The following SORCS2 variants were observed in gnomAD, a reference collection of about 807,000 sequenced individuals.
SORCS2 encodes VPS10 domain-containing receptor SorCS2.
Under a neutral mutation model 141.6 loss-of-function variants are expected in SORCS2, and 100 were observed. The observed-to-expected ratio is 0.71, with a 90% CI of 0.60 to 0.83. SORCS2 has a LOEUF of 0.83. Ranked by LOEUF, SORCS2 falls within the 40% of genes least tolerant of loss-of-function variation. SORCS2 has a pLI of 0.00. For missense variants in SORCS2, 1,646 were observed against 1,560.2 expected (o/e 1.05, Z -0.93); for synonymous variants, 789 against 676.9 (o/e 1.17, Z -2.57).
At chr4:7,273,086 G>A (rs1027953017) in intron 1 of SORCS2, among the ~76,000 whole-genome samples, 4 of 152,376 alleles carry the variant, frequency 2.6e-5, no homozygotes, top group African/African-American at 9.6e-5. Context: ...TAGAACATGA[G>A]CTTGCAGAGG....
intron 2 of SORCS2, among the ~76,000 whole-genome samples, chr4:7,425,049 G>T (rs1726331736): frequency 6.6e-6 from 1 of 152,200 alleles, no homozygotes; most frequent in Non-Finnish European, 1.5e-5. Context: ...CAGGATGTTG[G>T]TGCAGTTCCG....
intron 1 of SORCS2, among the ~76,000 whole-genome samples, chr4:7,255,022 T>C (rs1165840879): frequency 6.6e-6 from 1 of 151,970 alleles, no homozygotes; most frequent in Non-Finnish European, 1.5e-5. Flanking sequence ...TGTGAGCATG[T>C]GTGTGAGCAT....
intron 3 of SORCS2, among the ~76,000 whole-genome samples, chr4:7,549,358 G>C (rs1426700466): frequency 2.6e-5 from 4 of 151,900 alleles, no homozygotes; most frequent in Non-Finnish European, 5.9e-5. Context: ...TGCTTTCCGG[G>C]GGAGATGTCC....
chr4:7,444,846 A>G (rs1577573938), intron 2 of SORCS2, among the ~76,000 whole-genome samples: 1 of 152,352 alleles, frequency 6.6e-6, no homozygotes, highest in African/African-American at 2.4e-5. Flanking sequence ...GCCAATAAAC[A>G]GGATTTGTAG....
chr4:7,358,146 T>C (rs1396666846), intron 1 of SORCS2, among the ~76,000 whole-genome samples: 1 of 152,250 alleles, frequency 6.6e-6, no homozygotes, highest in African/African-American at 2.4e-5. Context: ...GAATTTTTCC[T>C]AACAGCAGTG....
At chr4:7,737,045 G>A (rs973770868) in intron 25 of SORCS2, 24 bp from the exon 26 acceptor site, 1 of 1,550,320 alleles carries the variant, frequency 6.5e-7, no homozygotes, top group East Asian at 2.4e-5. Flanking sequence ...TCCAAGCTGA[G>A]CCGCCCTTGC....
chr4:7,301,653 C>T (rs1248006596), intron 1 of SORCS2, among the ~76,000 whole-genome samples: 1 of 152,256 alleles, frequency 6.6e-6, no homozygotes, highest in Non-Finnish European at 1.5e-5. Flanking sequence ...CTCTGTGTTC[C>T]TCAGCAACCC....
At position 7,326,411 on chromosome 4, in the gene SORCS2, G is replaced by A. The variant is rs145761391; in HGVS notation, c.481-69877G>A. On this transcript the variant is annotated intron_variant, in intron 1 of 26. Transcript: ENST00000507866. ...TTGGTTGTGAGACTGCAGTGGTGATGCCACACCCGGCCTGGTGCCCACAGC... is the reference window on the plus strand; with the variant it reads ...TTGGTTGTGAGACTGCAGTGGTGATACCACACCCGGCCTGGTGCCCACAGC... Among the ~76,000 whole-genome samples the A allele has an allele frequency of 3.3e-3, 507 of 152,282 alleles. 4 individuals carry two copies. The highest frequency in any genetic ancestry group is 0.013 in the South Asian group (62 of 4,826).
intron 10 of SORCS2, 44 bp downstream of exon 10, chr4:7,682,933 GCT>G (rs748617778): frequency 6.9e-6 from 11 of 1,594,434 alleles, no homozygotes; most frequent in South Asian, 6.8e-5. Flanking sequence ...TGGCGTGGAT[GCT>G]AGATATAACT....
At chr4:7,296,243 C>T (rs921596085) in intron 1 of SORCS2, among the ~76,000 whole-genome samples, 1 of 152,246 alleles carries the variant, frequency 6.6e-6, no homozygotes, top group African/African-American at 2.4e-5. Flanking sequence ...CTGCCCCTGC[C>T]CTCACAGCCT....
At chr4:7,480,470 G>A (rs977037620) in intron 2 of SORCS2, among the ~76,000 whole-genome samples, 2 of 152,236 alleles carry the variant, frequency 1.3e-5, no homozygotes, top group African/African-American at 4.8e-5. Context: ...ACTGCAGGTG[G>A]GAGACCATGC....
rs562436993 is a variant in SORCS2 at position 7,584,791 on chromosome 4, G to A, written c.648+53162G>A. Among the ~76,000 whole-genome samples the A allele has an allele frequency of 3.3e-5, 5 of 152,328 alleles. No homozygotes were observed. The South Asian group carries it at 1.0e-3, about 32-fold the overall frequency. On this transcript the variant is annotated intron_variant, in intron 3 of 26. Transcript: ENST00000507866. Reference sequence around the variant, plus strand: ...AATTCTGCAGCCCTCAACAGACTGTGTGTGAGATTTCCAAAGTGAAATAAA... The same window carrying A: ...AATTCTGCAGCCCTCAACAGACTGTATGTGAGATTTCCAAAGTGAAATAAA...
intron 3 of SORCS2, among the ~76,000 whole-genome samples, chr4:7,541,983 C>T (rs1255971138): frequency 6.6e-6 from 1 of 152,204 alleles, no homozygotes; most frequent in Non-Finnish European, 1.5e-5. Context: ...GTGCAGGACC[C>T]CCTGCCAGCT....
At chr4:7,638,720 G>T (rs115446200) in intron 4 of SORCS2, among the ~76,000 whole-genome samples, 3,165 of 152,300 alleles carry the variant, frequency 0.021, 106 homozygotes, top group African/African-American at 0.071. Flanking sequence ...TGAGCGAGGT[G>T]GTGGTGGGCA....
rs546978472 is a variant in SORCS2 at position 7,304,761 on chromosome 4, T to C, written c.481-91527T>C. On this transcript the variant is annotated intron_variant, in intron 1 of 26. Transcript: ENST00000507866. ...GAGACCTGGTCTGTGCAGAGCTTGG[T>C]GGGGGGCCTCAGCCCTGTAGCAAAG... Among the ~76,000 whole-genome samples the C allele has an allele frequency of 1.3e-4, 20 of 152,278 alleles. No homozygotes were observed. In the South Asian group the frequency reaches 3.9e-3, roughly 30 times the overall value.
At chr4:7,725,055 G>T in intron 19 of SORCS2, 99 bp from the exon 20 acceptor site, 1 of 1,310,646 alleles carries the variant, frequency 7.6e-7, no homozygotes, top group South Asian at 1.3e-5. Flanking sequence ...TGGTGGTGAT[G>T]ATAGCAATGA....
chr4:7,418,502 G>C (rs1725836904), intron 2 of SORCS2, among the ~76,000 whole-genome samples: 1 of 152,194 alleles, frequency 6.6e-6, no homozygotes, highest in South Asian at 2.1e-4. Flanking sequence ...TAAGCGCGAG[G>C]TGGAGTTGGC....
chr4:7,284,916 G>T (rs547264803), intron 1 of SORCS2, among the ~76,000 whole-genome samples: 2 of 151,852 alleles, frequency 1.3e-5, no homozygotes, highest in Non-Finnish European at 2.9e-5. Flanking sequence ...TGGCTGTGTC[G>T]TTTCACTCTC....
At chr4:7,403,445 T>C (rs938203333) in intron 2 of SORCS2, among the ~76,000 whole-genome samples, 4 of 152,084 alleles carry the variant, frequency 2.6e-5, no homozygotes, top group African/African-American at 9.7e-5. Context: ...TGCCAAGCCA[T>C]GGTCAGGTTC....
Sources: gnomAD v4.1 joint callset for allele counts (sites outside exome capture counted in the v4.1 genomes callset) on GRCh38, gnomAD v4.1.1 for gene constraint, MANE v1.5 for transcripts, NCBI Gene and HGNC (gene_info 2026-07-23, HGNC 2026-07-21) for gene names.